The following PDE1C variants were observed in gnomAD, a reference collection of about 807,000 sequenced individuals.
The protein encoded by PDE1C is dual specificity calcium/calmodulin-dependent 3',5'-cyclic nucleotide phosphodiesterase 1C.
PDE1C carries 62 observed loss-of-function variants against 93.1 expected under a neutral mutation model. That is an observed-to-expected ratio of 0.67 (90% CI 0.54 to 0.82). PDE1C has a LOEUF of 0.82. Among genes scored for constraint, PDE1C ranks in the 40% least tolerant of loss-of-function variants. The pLI, the probability that PDE1C is intolerant of heterozygous loss-of-function variation, is 0.00. For synonymous variants in PDE1C, 325 were observed against 310.1 expected (o/e 1.05, Z -0.50); for missense variants, 742 against 884.6 (o/e 0.84, Z 2.04).
chr7:32,216,934 G>A (rs1806475343), intron 1 of PDE1C, among the ~76,000 whole-genome samples: 2 of 152,156 alleles, frequency 1.3e-5, no homozygotes, highest in African/African-American at 2.4e-5. Flanking sequence ...TGGGAGGAGG[G>A]TACCAGCCTG....
intron 1 of PDE1C, among the ~76,000 whole-genome samples, chr7:32,261,855 T>A (rs1810226280): frequency 6.6e-6 from 1 of 152,210 alleles, no homozygotes. Context: ...TTTCTTTTAA[T>A]ATGCCACCAG....
chr7:32,403,128 C>T (rs11975033), intron 1 of PDE1C, among the ~76,000 whole-genome samples: 3,207 of 152,252 alleles, frequency 0.021, 103 homozygotes, highest in African/African-American at 0.073. Flanking sequence ...GATCATCCCA[C>T]GAATTTCTAA....
chr7:32,145,390 CT>C (rs764096396), intron 3 of PDE1C, among the ~76,000 whole-genome samples: 4 of 152,146 alleles, frequency 2.6e-5, no homozygotes, highest in Non-Finnish European at 5.9e-5. Flanking sequence ...TTCTCACACC[CT>C]TTTTCCCATT....
intron 1 of PDE1C, among the ~76,000 whole-genome samples, chr7:32,363,846 A>T (rs1482745444): frequency 6.6e-6 from 1 of 152,230 alleles, no homozygotes; most frequent in Admixed American, 6.5e-5. Context: ...AATACCTGTA[A>T]ATAACAGGCA....
chr7:31,917,371 A>C (rs1190373685), intron 2 of PDE1C, among the ~76,000 whole-genome samples: 1 of 152,190 alleles, frequency 6.6e-6, no homozygotes, highest in Non-Finnish European at 1.5e-5. Context: ...CAAATGCCAC[A>C]AGCACAAATA....
intron 2 of PDE1C, among the ~76,000 whole-genome samples, chr7:31,911,756 C>G (rs1563018585): frequency 6.6e-6 from 1 of 152,170 alleles, no homozygotes; most frequent in East Asian, 1.9e-4. Flanking sequence ...AATGGAAAAA[C>G]TGAGGCTGAG....
chr7:32,139,232 C>T (rs1800379012), intron 3 of PDE1C, among the ~76,000 whole-genome samples: 1 of 150,786 alleles, frequency 6.6e-6, no homozygotes, highest in Non-Finnish European at 1.5e-5. Flanking sequence ...AACTACTGGG[C>T]TCAAGTGATC....
chr7:31,937,412 G>A (rs569323293), intron 2 of PDE1C, among the ~76,000 whole-genome samples: 6 of 152,280 alleles, frequency 3.9e-5, no homozygotes, highest in African/African-American at 7.2e-5. Context: ...AGTCTGTTTT[G>A]TCAGTCATAA....
the PDE1C span, among the ~76,000 whole-genome samples, chr7:31,632,349 G>A: frequency 6.6e-6 from 1 of 152,178 alleles, no homozygotes; most frequent in Non-Finnish European, 1.5e-5. Context: ...TTGAGAGGCT[G>A]AAACAGGAGA....
chr7:32,037,340 C>T (rs981487864), intron 2 of PDE1C, among the ~76,000 whole-genome samples: 6 of 152,004 alleles, frequency 3.9e-5, no homozygotes, highest in Non-Finnish European at 8.8e-5. Flanking sequence ...ATCTAGTTCA[C>T]GATAAGGTAA....
intron 1 of PDE1C, among the ~76,000 whole-genome samples, chr7:32,309,522 G>C (rs1813112865): frequency 6.6e-6 from 1 of 152,206 alleles, no homozygotes; most frequent in South Asian, 2.1e-4. Flanking sequence ...ACCCTCAAAG[G>C]GAAGCCCATC....
chr7:32,244,446 C>A (rs1808770601), intron 1 of PDE1C, among the ~76,000 whole-genome samples: 1 of 152,192 alleles, frequency 6.6e-6, no homozygotes, highest in South Asian at 2.1e-4. Flanking sequence ...TGCACTGAAG[C>A]AGCATTTTAA....
At chr7:32,247,217 A>T (rs932153467) in intron 1 of PDE1C, among the ~76,000 whole-genome samples, 5 of 151,972 alleles carry the variant, frequency 3.3e-5, no homozygotes, top group Non-Finnish European at 4.4e-5. Context: ...ATGTTTGGAA[A>T]TGACTAGAGA....
the PDE1C span, chr7:31,707,635 G>GT: frequency 4.7e-6 from 1 of 212,864 alleles, no homozygotes; most frequent in East Asian, 1.2e-4. Flanking sequence ...CTCCTTCTTG[G>GT]TTTTTGCTGC....
intron 1 of PDE1C, among the ~76,000 whole-genome samples, chr7:32,335,811 C>T (rs1428324173): frequency 1.3e-5 from 2 of 152,104 alleles, no homozygotes; most frequent in Non-Finnish European, 2.9e-5. Context: ...TCACTGCAGC[C>T]TCAACCTCCT....
intron 2 of PDE1C, among the ~76,000 whole-genome samples, chr7:32,023,763 G>A (rs535900540): frequency 4.6e-5 from 7 of 152,246 alleles, no homozygotes; most frequent in African/African-American, 1.7e-4. Context: ...TAGGGATGGA[G>A]GAGAGGGGAT....
intron 1 of PDE1C, among the ~76,000 whole-genome samples, chr7:32,053,448 G>T (rs1793650514): frequency 6.6e-6 from 1 of 152,196 alleles, no homozygotes; most frequent in South Asian, 2.1e-4. Flanking sequence ...CTGTGGGTGT[G>T]ACCTGTGCCC....
At chr7:31,792,296 A>G (rs1784672912) in intron 16 of PDE1C, among the ~76,000 whole-genome samples, 1 of 152,148 alleles carries the variant, frequency 6.6e-6, no homozygotes, top group African/African-American at 2.4e-5. Context: ...TTTATCGTTT[A>G]TAACACTTCT....
the PDE1C span, among the ~76,000 whole-genome samples, chr7:31,685,283 G>A: frequency 6.6e-6 from 1 of 152,170 alleles, no homozygotes; most frequent in African/African-American, 2.4e-5. Flanking sequence ...AGGGGGGCAT[G>A]GCTATATAAC....
Sources: allele counts gnomAD v4.1 joint callset (sites outside exome capture counted in the v4.1 genomes callset), GRCh38; gene constraint gnomAD v4.1.1; transcripts MANE v1.5; gene names NCBI Gene and HGNC (gene_info 2026-07-23, HGNC 2026-07-21).